Variants in SPC24 observed in about 807,000 individuals in gnomAD.
The protein encoded by SPC24 is kinetochore protein Spc24.
A neutral mutation model predicts 27.6 loss-of-function variants in SPC24; 31 were observed. That is an observed-to-expected ratio of 1.12 (90% CI 0.84 to 1.52). SPC24 has a LOEUF of 1.52. Ranked by LOEUF, SPC24 falls within the 40% of genes most tolerant of loss-of-function variation. SPC24 has a pLI of 0.00. For missense variants in SPC24, 284 were observed against 252.5 expected, an observed-to-expected ratio of 1.12 and a Z score of -0.84; for synonymous variants, 105 against 105.8, an observed-to-expected ratio of 0.99 and a Z score of 0.05.
In SPC24 at chr19:11,147,122, G is replaced by T; in HGVS notation, c.*61C>A. 290 of 717,852 alleles carry T rather than the reference G, an allele frequency of 4.0e-4. No individual in the cohort carries two copies. The highest frequency in any genetic ancestry group is 5.9e-4 in the Non-Finnish European group (262 of 445,044). 44.5% of individuals were successfully genotyped at this position (717,852 alleles called of 1,614,324 possible). ...AGATCTATGTCCCCACATTTCATTT[G>T]AAATGGATCTGACCACGGCAGATGC... On this transcript the variant is annotated 3_prime_UTR_variant, in exon 5 of 5. Coordinates refer to ENST00000592540, the MANE Select transcript of SPC24 (RefSeq NM_182513.4).
At chr19:11,147,779 C>T (rs1317427422) in intron 4 of SPC24, 39 bp downstream of exon 4, 3 of 1,556,662 alleles carry the variant, frequency 1.9e-6, no homozygotes, top group Non-Finnish European at 2.6e-6. Context: ...TCCCTACCTA[C>T]AGTGCACAAG....
intron 1 of SPC24, among the ~76,000 whole-genome samples, chr19:11,150,626 C>G (rs2077863929): frequency 6.6e-6 from 1 of 151,846 alleles, no homozygotes; most frequent in Non-Finnish European, 1.5e-5. Context: ...AAAACCCCAT[C>G]TCTACTAAAA....
In SPC24 at chr19:11,147,254, G is replaced by T. The variant is rs1420932639; in HGVS notation, c.523C>A (p.Leu175Met). The T allele has an allele frequency of 1.3e-5, 21 of 1,567,914 alleles. No individual in the cohort carries two copies. Among genetic ancestry groups the T allele is most frequent in the Non-Finnish European group, 6.9e-6 (8 of 1,155,704 alleles). ...HGPSVAQPIH[L>M]DSTQLSRKFI... ...TTCCTGGAGAGCTGGGTGCTGTCCA[G>T]GTGGATGGGCTGGGCCACACTGGGG... The change falls in exon 5 of 5, where the codon CTG becomes ATG. Residue 175 changes from leucine (L) to methionine (M), a missense_variant. Coordinates refer to ENST00000592540, the MANE Select transcript of SPC24 (RefSeq NM_182513.4).
intron 2 of SPC24, among the ~76,000 whole-genome samples, chr19:11,148,467 C>T (rs1376661917): frequency 6.6e-6 from 1 of 152,046 alleles, no homozygotes; most frequent in Non-Finnish European, 1.5e-5. Context: ...TTCGGCCTCC[C>T]AAAGTGCTGG....
chr19:11,155,291 C>A (rs952734692), intron 1 of SPC24, among the ~76,000 whole-genome samples: 8 of 152,248 alleles, frequency 5.3e-5, no homozygotes, highest in Admixed American at 3.3e-4. Context: ...GGGATGGGTG[C>A]TAGGATTCAA....
intron 1 of SPC24, among the ~76,000 whole-genome samples, 192 bp downstream of exon 1, chr19:11,155,425 G>A (rs2077903288): frequency 6.6e-6 from 1 of 152,196 alleles, no homozygotes; most frequent in Admixed American, 6.6e-5. Context: ...CCTGGGGGGT[G>A]GGGGATGGTT....
chr19:11,147,288 G>C lies in SPC24; in HGVS notation c.489C>G (p.Ile163Met), dbSNP rs771902851. 2.6e-6 allele frequency: 4 copies of C among 1,562,654 alleles called. No individual in the cohort carries two copies. The South Asian group carries it at 4.7e-5, about 18-fold the overall frequency. Reference sequence around the variant, plus strand: ...GCTGGGCCACACTGGGGCCATGATGGACTGAGGCACAGATGTAAGGAAAGC... The same window carrying C: ...GCTGGGCCACACTGGGGCCATGATGCACTGAGGCACAGATGTAAGGAAAGC... The part of the protein sequence containing the change: ...YECEPGMVKG[I>M]HHGPSVAQPI... The change falls in exon 5 of 5, where the codon ATC becomes ATG. Residue 163 changes from isoleucine (I) to methionine (M), a missense_variant and splice_region_variant. Physicochemically the swap from Ile to Met is conservative, Grantham distance 10. Transcript: ENST00000592540.
At chr19:11,155,127 G>C (rs1020108679) in intron 1 of SPC24, among the ~76,000 whole-genome samples, 2 of 152,090 alleles carry the variant, frequency 1.3e-5, no homozygotes, top group Non-Finnish European at 2.9e-5. Context: ...TGGAGGTTGC[G>C]GTGAGCCCAG....
At chr19:11,155,588 T>G (rs2147331071) in intron 1 of SPC24, 29 bp downstream of exon 1, 1 of 1,528,954 alleles carries the variant, frequency 6.5e-7, no homozygotes, top group African/African-American at 1.4e-5. Context: ...CCTTCCCCCG[T>G]GGGCCCGCGA....
intron 1 of SPC24, among the ~76,000 whole-genome samples, chr19:11,154,001 G>A (rs918586572): frequency 1.3e-5 from 2 of 151,972 alleles, no homozygotes; most frequent in Non-Finnish European, 2.9e-5. Flanking sequence ...GTGAACCCAG[G>A]AGACGCAGCT....
intron 1 of SPC24, among the ~76,000 whole-genome samples, chr19:11,150,006 G>A (rs142846953): frequency 2.4e-3 from 369 of 151,456 alleles, no homozygotes; most frequent in Non-Finnish European, 3.9e-3. Flanking sequence ...CACTGCGCAC[G>A]GCAACCCTGT....
intron 1 of SPC24, 101 bp from the exon 2 acceptor site, chr19:11,149,339 C>G: frequency 8.9e-7 from 1 of 1,127,864 alleles, no homozygotes; most frequent in East Asian, 2.9e-5. Context: ...AAACATGCCC[C>G]TTGTCTGCAG....
rs1476843745 is a variant in SPC24 at position 11,155,734 on chromosome 19, G to A, written c.43C>T (p.Leu15Phe). 6.3e-6 allele frequency: 10 copies of A among 1,577,892 alleles called. No homozygotes were observed. Among genetic ancestry groups the A allele is most frequent in the Non-Finnish European group, 8.5e-6 (10 of 1,169,966 alleles). The change falls in exon 1 of 5, where the codon CTC (leucine) becomes TTC (phenylalanine). Residue 15 changes from leucine to phenylalanine, a missense_variant. Physicochemically the swap from Leu to Phe is conservative, Grantham distance 22. Coordinates refer to ENST00000592540, the MANE Select transcript of SPC24 (RefSeq NM_182513.4). ...RDIEEVSQGL[L>F]SLLGANRAEA... ...GCGCGGTTGGCGCCCAGCAGGCTGA[G>A]CAGCCCCTGGCTCACCTCCTCTATG...
At chr19:11,151,214 T>C (rs1040488588) in intron 1 of SPC24, among the ~76,000 whole-genome samples, 8 of 151,598 alleles carry the variant, frequency 5.3e-5, no homozygotes, top group African/African-American at 1.2e-4. Flanking sequence ...GTTTAAGTTT[T>C]AGAAACTTAC....
rs191527218 is a variant in SPC24, at chr19:11,150,900, A to G, written c.161-1662T>C. Among the ~76,000 whole-genome samples, 605 of 152,316 alleles carry G rather than the reference A, an allele frequency of 4.0e-3. 7 individuals are homozygous for G. Among genetic ancestry groups the G allele is most frequent in the African/African-American group, 0.014 (586 of 41,584 alleles). ...ATGCCCAGGCCAGGCGCGGTGGCTCATGCCTGTAATCCCAGCACTTTGGGA... is the reference window on the plus strand; with the variant it reads ...ATGCCCAGGCCAGGCGCGGTGGCTCGTGCCTGTAATCCCAGCACTTTGGGA... On this transcript the variant is annotated intron_variant, in intron 1 of 4. Transcript: ENST00000592540.
chr19:11,151,386 G>A (rs933298489), intron 1 of SPC24, among the ~76,000 whole-genome samples: 5 of 150,280 alleles, frequency 3.3e-5, no homozygotes, highest in African/African-American at 1.3e-4. Flanking sequence ...ACTTGCTTAT[G>A]CTGCTATTTC....
At chr19:11,148,289 C>T (rs1328574380) in intron 2 of SPC24, among the ~76,000 whole-genome samples, 172 bp from the exon 3 acceptor site, 1 of 151,110 alleles carries the variant, frequency 6.6e-6, no homozygotes, top group East Asian at 2.0e-4. Context: ...CTCACTGCAA[C>T]CTCTGCCTCC....
chr19:11,147,373 T>C (rs2077834686), intron 4 of SPC24, 84 bp from the exon 5 acceptor site: 3 of 951,084 alleles, frequency 3.2e-6, no homozygotes, highest in Non-Finnish European at 3.1e-6. Context: ...TTTACTTTTT[T>C]TTTTTGAGAC....
intron 1 of SPC24, among the ~76,000 whole-genome samples, chr19:11,151,920 T>A (rs1008765493): frequency 1.5e-3 from 230 of 149,762 alleles, no homozygotes; most frequent in African/African-American, 4.1e-3. Context: ...TTTTTTTTTT[T>A]AAACTTTTAT....
Sources: allele counts gnomAD v4.1 joint callset (sites outside exome capture counted in the v4.1 genomes callset), GRCh38; gene constraint gnomAD v4.1.1; transcripts MANE v1.5; gene names NCBI Gene and HGNC (gene_info 2026-07-23, HGNC 2026-07-21).